The following MAN1C1 variants were observed in gnomAD, a reference collection of about 807,000 sequenced individuals.
MAN1C1 encodes mannosidase alpha class 1C member 1, also known as mannosyl-oligosaccharide 1,2-alpha-mannosidase IC.
MAN1C1 carries 49 observed loss-of-function variants against 71.5 expected under a neutral mutation model. That is an observed-to-expected ratio of 0.69 (90% CI 0.54 to 0.87). The LOEUF is 0.87. Ranked by LOEUF, MAN1C1 falls within the 40% of genes least tolerant of loss-of-function variation. The pLI is 0.00. For synonymous variants in MAN1C1, 352 were observed against 343.7 expected (o/e 1.02, Z -0.27); for missense variants, 743 against 835.0 (o/e 0.89, Z 1.36).
At chr1:25,715,227 G>A (rs1413889719) in intron 2 of MAN1C1, among the ~76,000 whole-genome samples, 3 of 152,130 alleles carry the variant, frequency 2.0e-5, no homozygotes, top group African/African-American at 7.2e-5. Flanking sequence ...TTGGGCCCAT[G>A]GCTCTGCCTA....
intron 7 of MAN1C1, among the ~76,000 whole-genome samples, chr1:25,770,875 T>TCAAA (rs1264294201): frequency 3.9e-5 from 6 of 152,234 alleles, no homozygotes; most frequent in African/African-American, 1.2e-4. Context: ...GGTTTGTTCT[T>TCAAA]TGTTAAATCT....
At chr1:25,783,555 T>C in intron 11 of MAN1C1, 108 bp from the exon 12 acceptor site, 1 of 1,309,084 alleles carries the variant, frequency 7.6e-7, no homozygotes, top group Non-Finnish European at 1.1e-6. Context: ...CTCCAGACCT[T>C]GACCATAGGC....
rs745653197 is a variant in MAN1C1, at chr1:25,783,810, C to T, written c.*21C>T. On this transcript the variant is annotated 3_prime_UTR_variant, in exon 12 of 12. Transcript: ENST00000374332. ...ACTGACCCCATCTCCTGCCGCCGCC[C>T]TGGGGCCGCCGCAGGGATGCCTTGC... 2 of 1,604,870 alleles carry T rather than the reference C, an allele frequency of 1.2e-6. No individual in the cohort carries two copies. Among genetic ancestry groups the T allele is most frequent in the Non-Finnish European group, 1.7e-6 (2 of 1,178,432 alleles).
chr1:25,766,182 A>G (rs987036781), intron 7 of MAN1C1, among the ~76,000 whole-genome samples: 20 of 152,172 alleles, frequency 1.3e-4, no homozygotes, highest in Admixed American at 9.8e-4. Flanking sequence ...AGGTCTGGGC[A>G]AAGTCAGTCG....
At chr1:25,723,637 C>T (rs1251981916) in intron 2 of MAN1C1, among the ~76,000 whole-genome samples, 1 of 152,206 alleles carries the variant, frequency 6.6e-6, no homozygotes, top group Non-Finnish European at 1.5e-5. Context: ...CTAGTGCATT[C>T]ATTGAACTCA....
At chr1:25,675,448 G>C (rs902032723) in intron 1 of MAN1C1, among the ~76,000 whole-genome samples, 1 of 152,106 alleles carries the variant, frequency 6.6e-6, no homozygotes, top group Non-Finnish European at 1.5e-5. Flanking sequence ...AGTATTCCAT[G>C]GTGTATATAT....
At chr1:25,692,443 T>C (rs1397671204) in intron 2 of MAN1C1, among the ~76,000 whole-genome samples, 1 of 152,186 alleles carries the variant, frequency 6.6e-6, no homozygotes, top group African/African-American at 2.4e-5. Flanking sequence ...CCTGGGCTGA[T>C]CTTGAACTCC....
At chr1:25,666,027 G>T (rs1376115021) in intron 1 of MAN1C1, among the ~76,000 whole-genome samples, 2 of 151,764 alleles carry the variant, frequency 1.3e-5, no homozygotes, top group Admixed American at 6.6e-5. Flanking sequence ...GGACTGATTG[G>T]CATATTTAAA....
At chr1:25,667,758 G>A (rs1223970446) in intron 1 of MAN1C1, among the ~76,000 whole-genome samples, 1 of 152,148 alleles carries the variant, frequency 6.6e-6, no homozygotes, top group Admixed American at 6.6e-5. Flanking sequence ...AATATCCTAA[G>A]TGGCCTCTGA....
intron 1 of MAN1C1, among the ~76,000 whole-genome samples, chr1:25,660,690 G>A (rs894819313): frequency 1.1e-4 from 17 of 151,530 alleles, no homozygotes; most frequent in Admixed American, 2.0e-4. Context: ...CACCATGCCC[G>A]GCCTGAAACT....
intron 7 of MAN1C1, among the ~76,000 whole-genome samples, chr1:25,765,465 A>G (rs1281074824): frequency 1.3e-5 from 2 of 152,124 alleles, no homozygotes; most frequent in Non-Finnish European, 1.5e-5. Flanking sequence ...CCTGCCTCCA[A>G]CCCAGTTTTT....
chr1:25,777,279 C>G (rs1037207538), intron 8 of MAN1C1, among the ~76,000 whole-genome samples: 1 of 152,176 alleles, frequency 6.6e-6, no homozygotes, highest in Non-Finnish European at 1.5e-5. Flanking sequence ...CCAGGCCCCA[C>G]CAGCCCATGG....
intron 1 of MAN1C1, among the ~76,000 whole-genome samples, chr1:25,626,376 T>G (rs79898034): frequency 6.6e-6 from 1 of 152,034 alleles, no homozygotes; most frequent in Non-Finnish European, 1.5e-5. Flanking sequence ...TTTTTTTTTT[T>G]GAGATGGAGT....
chr1:25,720,911 A>G (rs1449885335), intron 2 of MAN1C1, among the ~76,000 whole-genome samples: 2 of 152,122 alleles, frequency 1.3e-5, no homozygotes, highest in East Asian at 1.9e-4. Flanking sequence ...TTCCAGCACA[A>G]TTTTTTGAAA....
intron 2 of MAN1C1, among the ~76,000 whole-genome samples, chr1:25,719,395 T>TTTATTTA (rs2046730081): frequency 6.4e-5 from 9 of 139,984 alleles, no homozygotes; most frequent in African/African-American, 2.4e-4. Flanking sequence ...ATTTTTTATC[T>TTTATTTA]TTTATTTATT....
intron 1 of MAN1C1, among the ~76,000 whole-genome samples, chr1:25,626,802 T>C (rs1362962503): frequency 6.6e-6 from 1 of 152,238 alleles, no homozygotes; most frequent in Non-Finnish European, 1.5e-5. Context: ...TTAACAGATA[T>C]ATGTATTATA....
chr1:25,664,469 A>C (rs2045893643), intron 1 of MAN1C1, among the ~76,000 whole-genome samples: 1 of 152,246 alleles, frequency 6.6e-6, no homozygotes, highest in African/African-American at 2.4e-5. Flanking sequence ...GTTGAACATT[A>C]TTCTGCCATA....
intron 1 of MAN1C1, among the ~76,000 whole-genome samples, chr1:25,680,306 G>T (rs1026690481): frequency 6.6e-6 from 1 of 152,068 alleles, no homozygotes; most frequent in Non-Finnish European, 1.5e-5. Flanking sequence ...CAGATGATCC[G>T]CCCACCTGGG....
chr1:25,731,893 A>G (rs1002277765), intron 2 of MAN1C1, among the ~76,000 whole-genome samples: 4 of 152,078 alleles, frequency 2.6e-5, no homozygotes, highest in Non-Finnish European at 5.9e-5. Flanking sequence ...AATTTACTAT[A>G]TATTTACTCC....
Sources: gnomAD v4.1 joint callset for allele counts (sites outside exome capture counted in the v4.1 genomes callset) on GRCh38, gnomAD v4.1.1 for gene constraint, MANE v1.5 for transcripts, NCBI Gene and HGNC (gene_info 2026-07-23, HGNC 2026-07-21) for gene names.